The following NT5DC4 variants were observed in gnomAD, a reference collection of about 807,000 sequenced individuals.
NT5DC4 encodes 5'-nucleotidase domain-containing protein 4.
NT5DC4 carries 44 observed loss-of-function variants against 26.6 expected under a neutral mutation model. The observed-to-expected ratio is 1.65, with a 90% CI of 1.30 to 2.13. NT5DC4 has a LOEUF of 2.13. NT5DC4 is among the 30% of genes most tolerant of loss of function. NT5DC4 has a pLI of 0.00. For synonymous variants in NT5DC4, 157 were observed against 86.7 expected, an observed-to-expected ratio of 1.81 and a Z score of -4.51; for missense variants, 399 against 228.1, an observed-to-expected ratio of 1.75 and a Z score of -4.83.
chr2:112,722,943 C>G (rs1263923280), intron 6 of NT5DC4, 138 bp from the exon 7 acceptor site: 1 of 640,388 alleles, frequency 1.6e-6, no homozygotes. Flanking sequence ...TGGGTGATGC[C>G]CCTCCCAGGA....
In NT5DC4 at chr2:112,725,368, C is replaced by A. The variant is rs758526410; in HGVS notation, c.983-14C>A. 1.4e-6 allele frequency: 1 copy of A among 697,494 alleles called. No individual in the cohort carries two copies. Among genetic ancestry groups the A allele is most frequent in the South Asian group, 1.5e-5 (1 of 66,718 alleles). 43.2% of individuals were successfully genotyped at this position (697,494 alleles called of 1,614,324 possible). A position where few individuals can be genotyped will look rare whatever the true frequency, so the allele number is the denominator to read the frequency against. ...AAGGGCAAACGAGTGTCTGTCCTCC[C>A]CTTGGTGGGGCAGGCTCTTCGGACA... On this transcript the variant is annotated splice_polypyrimidine_tract_variant and intron_variant, in intron 12 of 16. Transcript: ENST00000688554.
chr2:112,727,963 C>T (rs958400288), intron 15 of NT5DC4, among the ~76,000 whole-genome samples: 9 of 152,358 alleles, frequency 5.9e-5, no homozygotes, highest in Admixed American at 3.3e-4. Context: ...CTCTCTCGGG[C>T]GGCCCCGGAG....
intron 16 of NT5DC4, among the ~76,000 whole-genome samples, chr2:112,730,842 T>C (rs1678403510): frequency 6.6e-6 from 1 of 152,198 alleles, no homozygotes; most frequent in Admixed American, 6.5e-5. Flanking sequence ...TTCAAGTGCA[T>C]TCACAGGCTT....
chr2:112,725,378 G>A lies in NT5DC4; in HGVS notation c.983-4G>A, dbSNP rs969029840. On this transcript the variant is annotated splice_region_variant and splice_polypyrimidine_tract_variant and intron_variant, in intron 12 of 16. Transcript: ENST00000688554. ...GAGTGTCTGTCCTCCCCTTGGTGGG[G>A]CAGGCTCTTCGGACATGGTGTGCGA... 2 of 699,766 alleles carry A rather than the reference G, an allele frequency of 2.9e-6. No individual in the cohort carries two copies. The highest frequency in any genetic ancestry group is 5.4e-6 in the Non-Finnish European group (2 of 371,258). 43.3% of individuals were successfully genotyped at this position (699,766 alleles called of 1,614,324 possible).
intron 13 of NT5DC4, 62 bp downstream of exon 13, chr2:112,725,614 A>G: frequency 3.3e-6 from 2 of 612,866 alleles, no homozygotes; most frequent in Non-Finnish European, 6.0e-6. Flanking sequence ...AGGCCCCAGC[A>G]CTGCCTTCTC....
chr2:112,726,865 C>T (rs1056822030), intron 15 of NT5DC4, 127 bp downstream of exon 15: 43 of 673,720 alleles, frequency 6.4e-5, no homozygotes, highest in South Asian at 5.4e-4. Flanking sequence ...TCCTCAGCCT[C>T]GCCTGGGCTC....
chr2:112,719,978 CTTT>C (rs1558715625), upstream of NT5DC4, among the ~76,000 whole-genome samples: 1 of 81,764 alleles, frequency 1.2e-5, no homozygotes, highest in Non-Finnish European at 2.4e-5. Context: ...TTCTTTCTTT[CTTT>C]CTTTCTTTTT....
chr2:112,741,140 ATTGAT>A (rs370472260), downstream of NT5DC4: 441 of 670,502 alleles, frequency 6.6e-4, 1 homozygote, highest in African/African-American at 1.2e-3. Context: ...CTGAATAGTG[ATTGAT>A]TTGAAGTGTG....
At chr2:112,740,777 T>C (rs368371042), downstream of NT5DC4, 3 of 1,511,570 alleles carry the variant, frequency 2.0e-6, no homozygotes, top group African/African-American at 4.1e-5. Flanking sequence ...TGGACTAGAA[T>C]TAAGTCTGTG....
At chr2:112,725,613 C>T (rs1677602818) in intron 13 of NT5DC4, 61 bp downstream of exon 13, 2 of 614,078 alleles carry the variant, frequency 3.3e-6, no homozygotes, top group Admixed American at 5.5e-5. Flanking sequence ...GAGGCCCCAG[C>T]ACTGCCTTCT....
At chr2:112,741,847 A>G (rs945127019), downstream of NT5DC4, among the ~76,000 whole-genome samples, 4 of 147,380 alleles carry the variant, frequency 2.7e-5, no homozygotes, top group African/African-American at 1.0e-4. Context: ...TCCAAATTCC[A>G]CTTTCTGGGT....
chr2:112,740,860 T>C, downstream of NT5DC4: 6 of 1,613,820 alleles, frequency 3.7e-6, no homozygotes, highest in East Asian at 4.5e-5. Flanking sequence ...AGGATAATTA[T>C]GCTGTTCTGC....
intron 10 of NT5DC4, chr2:112,724,515 T>C: frequency 1.7e-6 from 1 of 575,496 alleles, no homozygotes; most frequent in South Asian, 2.0e-5. Flanking sequence ...CACCTGTCCC[T>C]GGGTCTCTGT....
chr2:112,737,791 T>C (rs1574303403), intron 16 of NT5DC4: 1 of 152,220 alleles, frequency 6.6e-6, no homozygotes, highest in African/African-American at 2.4e-5. Context: ...AGCCAACTGG[T>C]ATATCCTTAG....
At chr2:112,738,859 CAGCGCCTCATT>C (rs750766047) in intron 16 of NT5DC4, 43 bp from the exon 17 acceptor site, 1 of 1,613,622 alleles carries the variant, frequency 6.2e-7, no homozygotes, top group South Asian at 1.1e-5. Flanking sequence ...ATGTTACAGG[CAGCGCCTCATT>C]TCTACGGAAT....
chr2:112,734,195 G>GTGTT (rs1678805427), intron 16 of NT5DC4, among the ~76,000 whole-genome samples: 12 of 151,396 alleles, frequency 7.9e-5, no homozygotes, highest in African/African-American at 2.9e-4. Flanking sequence ...GTGTGTGTGT[G>GTGTT]TGTGTGTACA....
upstream of NT5DC4, among the ~76,000 whole-genome samples, chr2:112,719,481 C>CTTTTTTTTT (rs57789268): frequency 2.3e-4 from 23 of 101,288 alleles, 2 homozygotes; most frequent in African/African-American, 2.6e-4. Context: ...ACTTGTCTGT[C>CTTTTTTTTT]TTTTTTTTTT....
chr2:112,740,041 G>C (rs191459822), downstream of NT5DC4, among the ~76,000 whole-genome samples: 1 of 152,164 alleles, frequency 6.6e-6, no homozygotes, highest in Non-Finnish European at 1.5e-5. Flanking sequence ...TTGCCTGCTA[G>C]TTTTCCTTAG....
intron 16 of NT5DC4, chr2:112,738,553 T>C (rs1399465394): frequency 7.1e-6 from 3 of 421,910 alleles, no homozygotes; most frequent in Non-Finnish European, 4.3e-6. Flanking sequence ...ATCAATAAAG[T>C]ATAAATATTT....
Sources: gnomAD v4.1 joint callset for allele counts (sites outside exome capture counted in the v4.1 genomes callset) on GRCh38, gnomAD v4.1.1 for gene constraint, MANE v1.5 for transcripts, NCBI Gene and HGNC (gene_info 2026-07-23, HGNC 2026-07-21) for gene names.